ARID5B: variants seen among roughly 807,000 people sequenced by gnomAD.
The protein encoded by ARID5B is AT-rich interaction domain 5B.
In ARID5B, 13 loss-of-function variants were observed where a neutral mutation model predicts 97.2. The ratio of observed to expected loss-of-function variants is 0.13; its 90% CI spans 0.09 to 0.21. The LOEUF (loss-of-function observed/expected upper bound fraction) is 0.21, where lower values mean the gene tolerates loss of function less well. Ranked by LOEUF, ARID5B falls within the 10% of genes least tolerant of loss-of-function variation. The pLI is 1.00. For synonymous variants in ARID5B, 556 were observed against 570.3 expected (o/e 0.97, Z 0.36); for missense variants, 1,210 against 1,465.3 (o/e 0.83, Z 2.84).
chr10:62,030,663 A>G lies in ARID5B; in HGVS notation c.734-20225A>G, dbSNP rs112400932. ...GCAACCCGTAGTGGCCTTCTTCTGG[A>G]TAGCTGCTTAAGGAGGGAAATATTT... On this transcript the variant is annotated intron_variant, in intron 4 of 9. Coordinates refer to ENST00000279873, the MANE Select transcript of ARID5B (RefSeq NM_032199.3). 3.3e-5 allele frequency among the ~76,000 whole-genome samples: 5 copies of G among 152,342 alleles called. 1 individual carries two copies. The highest frequency in any genetic ancestry group is 1.2e-4 in the African/African-American group (5 of 41,576).
intron 2 of ARID5B, among the ~76,000 whole-genome samples, chr10:61,938,885 A>G (rs1844349721): frequency 5.4e-5 from 2 of 36,994 alleles, no homozygotes; most frequent in Non-Finnish European, 8.7e-5. Context: ...AAACATCAGA[A>G]AAAAAAAAAA....
chr10:62,079,152 G>A (rs1564645986), intron 8 of ARID5B, among the ~76,000 whole-genome samples: 1 of 152,188 alleles, frequency 6.6e-6, no homozygotes, highest in Non-Finnish European at 1.5e-5. Flanking sequence ...AGGCAGGAGT[G>A]ATCTTTCAGT....
In ARID5B at chr10:62,052,930, A is replaced by G. The variant is rs140616919; in HGVS notation, c.846+1930A>G. Among the ~76,000 whole-genome samples, 227 of 152,312 alleles carry G rather than the reference A, an allele frequency of 1.5e-3. 1 individual carries two copies. Among genetic ancestry groups the G allele is most frequent in the African/African-American group, 5.2e-3 (215 of 41,572 alleles). On this transcript the variant is annotated intron_variant, in intron 5 of 9. Coordinates refer to ENST00000279873, the MANE Select transcript of ARID5B (RefSeq NM_032199.3). ...TTGGCTCTTTTCAGAGTCTTGGATT[A>G]CAGTCATGCCTTGGCTGCTTCCAGT... is the stretch of plus-strand genomic sequence containing the variant.
chr10:61,993,337 C>T (rs1344904211), intron 3 of ARID5B, among the ~76,000 whole-genome samples: 1 of 152,116 alleles, frequency 6.6e-6, no homozygotes, highest in Non-Finnish European at 1.5e-5. Flanking sequence ...AGTTGATGTA[C>T]AACTTTGGAA....
chr10:62,045,224 T>G (rs568539662), intron 4 of ARID5B, among the ~76,000 whole-genome samples: 33 of 152,316 alleles, frequency 2.2e-4, no homozygotes, highest in African/African-American at 7.5e-4. Context: ...ATTTTAGGAG[T>G]GGCTTTGATC....
At chr10:61,927,034 A>T (rs149388922) in intron 2 of ARID5B, among the ~76,000 whole-genome samples, 1 of 152,190 alleles carries the variant, frequency 6.6e-6, no homozygotes, top group Non-Finnish European at 1.5e-5. Context: ...TTCTGGTCCA[A>T]CCTTCCCTTG....
At chr10:62,073,737 C>A (rs1840094421) in intron 8 of ARID5B, among the ~76,000 whole-genome samples, 1 of 152,186 alleles carries the variant, frequency 6.6e-6, no homozygotes, top group South Asian at 2.1e-4. Flanking sequence ...TTTCCCATCG[C>A]AAGGCTGTTG....
Position 61,929,333 on chromosome 10 carries a change from G to T in ARID5B, c.277-10850G>T, listed in dbSNP as rs75364591. ...GAGTATGCCATGCTTTCCTGTTCTT[G>T]TTCCATCCCCTCCCTGCCAACCCGT... On this transcript the variant is annotated intron_variant, in intron 2 of 9. Coordinates refer to ENST00000279873, the MANE Select transcript of ARID5B (RefSeq NM_032199.3). Among the ~76,000 whole-genome samples, 1,503 of 152,250 alleles carry T rather than the reference G, an allele frequency of 9.9e-3. 51 individuals carry two copies. The highest frequency in any genetic ancestry group is 0.085 in the East Asian group (441 of 5,180).
At chr10:62,087,526 G>A (rs1419364035) in intron 9 of ARID5B, among the ~76,000 whole-genome samples, 2 of 146,886 alleles carry the variant, frequency 1.4e-5, no homozygotes, top group South Asian at 2.2e-4. Context: ...AAACGCTGCT[G>A]CCCATTAAAA....
chr10:61,974,730 T>C (rs1838676882), intron 3 of ARID5B, among the ~76,000 whole-genome samples: 1 of 152,224 alleles, frequency 6.6e-6, no homozygotes, highest in South Asian at 2.1e-4. Flanking sequence ...CACTGATCTG[T>C]TCATATCATT....
At chr10:61,967,970 C>T (rs896367418) in intron 3 of ARID5B, among the ~76,000 whole-genome samples, 4 of 151,550 alleles carry the variant, frequency 2.6e-5, no homozygotes, top group South Asian at 2.1e-4. Context: ...TCAGTAAACA[C>T]GTAAGGGCCT....
chr10:61,981,529 G>T (rs574482613), intron 3 of ARID5B, among the ~76,000 whole-genome samples: 1 of 152,068 alleles, frequency 6.6e-6, no homozygotes, highest in Non-Finnish European at 1.5e-5. Flanking sequence ...TGATCCACCC[G>T]ACTCAGCCTC....
intron 2 of ARID5B, among the ~76,000 whole-genome samples, chr10:61,907,651 GC>G (rs1843729489): frequency 6.6e-6 from 1 of 152,222 alleles, no homozygotes; most frequent in African/African-American, 2.4e-5. Context: ...TACCAAGCAG[GC>G]CTTTTAGAAC....
intron 3 of ARID5B, among the ~76,000 whole-genome samples, chr10:61,980,776 C>A (rs147372045): frequency 5.9e-5 from 9 of 152,144 alleles, no homozygotes; most frequent in African/African-American, 2.2e-4. Flanking sequence ...CCTTCTGCCT[C>A]CTCCAAAATC....
At chr10:61,968,830 C>A (rs1340855581) in intron 3 of ARID5B, among the ~76,000 whole-genome samples, 1 of 152,062 alleles carries the variant, frequency 6.6e-6, no homozygotes, top group African/African-American at 2.4e-5. Flanking sequence ...TGCCCAGGAC[C>A]TAAGAGAAAC....
At chr10:61,927,022 T>C (rs1316144432) in intron 2 of ARID5B, among the ~76,000 whole-genome samples, 1 of 152,200 alleles carries the variant, frequency 6.6e-6, no homozygotes, top group Non-Finnish European at 1.5e-5. Flanking sequence ...CTAATAATTG[T>C]CTTCTGGTCC....
chr10:61,970,151 T>A (rs1838605284), intron 3 of ARID5B, among the ~76,000 whole-genome samples: 1 of 152,236 alleles, frequency 6.6e-6, no homozygotes, highest in Non-Finnish European at 1.5e-5. Context: ...CAGACATACT[T>A]ATAAATGCCA....
chr10:61,902,527 A>T lies in ARID5B; in HGVS notation c.276+114A>T. 5 of 1,407,560 alleles carry T rather than the reference A, an allele frequency of 3.6e-6. No individual in the cohort carries two copies. The South Asian group carries it at 4.4e-5, about 12-fold the overall frequency. 87.2% of individuals were successfully genotyped at this position (1,407,560 alleles called of 1,614,324 possible). On this transcript the variant is annotated intron_variant, in intron 2 of 9. Transcript: ENST00000279873. ...TCACTTCTGCAGGCAAGCAGGATCGACTCCTTTTTTAAAGGGGTAGCGCCA... is the reference window on the plus strand; with the variant it reads ...TCACTTCTGCAGGCAAGCAGGATCGTCTCCTTTTTTAAAGGGGTAGCGCCA...
chr10:62,082,945 G>C (rs1332221110), intron 8 of ARID5B, among the ~76,000 whole-genome samples: 1 of 151,940 alleles, frequency 6.6e-6, no homozygotes, highest in Non-Finnish European at 1.5e-5. Flanking sequence ...CTTCCTTTTA[G>C]CTTCTGCCTT....
Sources: gnomAD v4.1 joint callset for allele counts (sites outside exome capture counted in the v4.1 genomes callset) on GRCh38, gnomAD v4.1.1 for gene constraint, MANE v1.5 for transcripts, NCBI Gene and HGNC (gene_info 2026-07-23, HGNC 2026-07-21) for gene names.